Variants in NFATC3 observed in about 807,000 individuals in gnomAD.
The protein encoded by NFATC3 is nuclear factor of activated T-cells, cytoplasmic 3.
In NFATC3, 46 loss-of-function variants were observed where a neutral mutation model predicts 98.6. The observed-to-expected ratio is 0.47, with a 90% CI of 0.37 to 0.60. The LOEUF is 0.60. Ranked by LOEUF, NFATC3 falls within the 20% of genes least tolerant of loss-of-function variation. NFATC3 has a pLI of 0.00. For missense variants in NFATC3, 1,256 were observed against 1,295.5 expected (o/e 0.97, Z 0.47); for synonymous variants, 512 against 472.2 (o/e 1.08, Z -1.09).
At chr16:68,113,399 C>T (rs1385919364) in intron 1 of NFATC3, among the ~76,000 whole-genome samples, 1 of 152,204 alleles carries the variant, frequency 6.6e-6, no homozygotes, top group Non-Finnish European at 1.5e-5. Flanking sequence ...AATTCATCTA[C>T]CCCCTCCTGC....
At chr16:68,157,646 C>A (rs2038688810) in intron 3 of NFATC3, among the ~76,000 whole-genome samples, 1 of 152,056 alleles carries the variant, frequency 6.6e-6, no homozygotes, top group Admixed American at 6.6e-5. Flanking sequence ...AAAACAAAAC[C>A]AAACCCACAT....
chr16:68,210,127 C>G (rs1028098908), intron 9 of NFATC3, among the ~76,000 whole-genome samples: 2 of 151,996 alleles, frequency 1.3e-5, no homozygotes, highest in African/African-American at 4.8e-5. Context: ...GAAACTCCAT[C>G]TCTACTGAAA....
At chr16:68,162,999 A>G (rs2151586247) in intron 4 of NFATC3, among the ~76,000 whole-genome samples, 1 of 151,964 alleles carries the variant, frequency 6.6e-6, no homozygotes, top group East Asian at 1.9e-4. Context: ...CACATCTTGC[A>G]CCGCCCTTAA....
intron 9 of NFATC3, among the ~76,000 whole-genome samples, chr16:68,210,297 CAAA>C (rs147338164): frequency 9.3e-6 from 1 of 107,626 alleles, no homozygotes. Flanking sequence ...GATTCCTTCT[CAAA>C]AAAAAAAAAA....
At chr16:68,177,456 C>G (rs1412701011) in intron 6 of NFATC3, among the ~76,000 whole-genome samples, 1 of 152,132 alleles carries the variant, frequency 6.6e-6, no homozygotes, top group African/African-American at 2.4e-5. Flanking sequence ...AGTTATATCC[C>G]CCCACTCTTT....
At chr16:68,097,673 G>A (rs1445293368) in intron 1 of NFATC3, among the ~76,000 whole-genome samples, 1 of 152,214 alleles carries the variant, frequency 6.6e-6, no homozygotes, top group African/African-American at 2.4e-5. Context: ...AGAGAATGGT[G>A]TAGGGAAAGC....
In NFATC3 at chr16:68,134,045, A is replaced by G. The variant is rs1216134578; in HGVS notation, c.1401+7435A>G. On this transcript the variant is annotated intron_variant, in intron 3 of 9. Transcript: ENST00000346183. ...CCTCCACATTGTCACCAAGTGTTACACTTGTTAGTCTTTTAATTTTAACTA... is the reference window on the plus strand; with the variant it reads ...CCTCCACATTGTCACCAAGTGTTACGCTTGTTAGTCTTTTAATTTTAACTA... 3.9e-5 allele frequency among the ~76,000 whole-genome samples: 6 copies of G among 152,164 alleles called. No homozygotes were observed. The East Asian group carries it at 9.6e-4, about 24-fold the overall frequency.
At chr16:68,176,972 G>C (rs1309841134) in intron 6 of NFATC3, among the ~76,000 whole-genome samples, 1 of 149,550 alleles carries the variant, frequency 6.7e-6, no homozygotes, top group Non-Finnish European at 1.5e-5. Flanking sequence ...GGACTAGTCA[G>C]ATTTGTTTCT....
intron 9 of NFATC3, among the ~76,000 whole-genome samples, chr16:68,221,860 T>A (rs560543859): frequency 2.6e-5 from 4 of 152,324 alleles, no homozygotes; most frequent in East Asian, 1.9e-4. Context: ...TCCATTATAA[T>A]CAATACCACA....
At chr16:68,148,440 A>G (rs947338664) in intron 3 of NFATC3, among the ~76,000 whole-genome samples, 1 of 152,202 alleles carries the variant, frequency 6.6e-6, no homozygotes, top group African/African-American at 2.4e-5. Context: ...ACAAATGAGA[A>G]TACTGATAGA....
intron 3 of NFATC3, among the ~76,000 whole-genome samples, chr16:68,144,098 A>T (rs1036071398): frequency 6.6e-6 from 1 of 152,220 alleles, no homozygotes; most frequent in African/African-American, 2.4e-5. Context: ...TGCAAAGCAT[A>T]TATCTGTCAA....
At chr16:68,170,257 G>T (rs559752840) in intron 5 of NFATC3, among the ~76,000 whole-genome samples, 1 of 151,396 alleles carries the variant, frequency 6.6e-6, no homozygotes, top group African/African-American at 2.4e-5. Context: ...TGGGCGTGGT[G>T]GCGTGTGCCT....
intron 3 of NFATC3, among the ~76,000 whole-genome samples, chr16:68,132,786 G>GT (rs2037182605): frequency 6.6e-6 from 1 of 152,148 alleles, no homozygotes; most frequent in South Asian, 2.1e-4. Context: ...AATACTGCAT[G>GT]TTTTCACTTA....
At chr16:68,108,267 A>G (rs1353973975) in intron 1 of NFATC3, among the ~76,000 whole-genome samples, 1 of 152,172 alleles carries the variant, frequency 6.6e-6, no homozygotes, top group African/African-American at 2.4e-5. Flanking sequence ...GGTGTAAGGA[A>G]GGGATCCAGT....
At position 68,121,808 on chromosome 16, in the gene NFATC3, A is replaced by T. The variant is rs183718399; in HGVS notation, c.104-179A>T. ...CACACATATCTGCAGAAATAACCAG[A>T]TGCATTGAAAAAACACACACATGCC... On this transcript the variant is annotated intron_variant, in intron 1 of 9. Coordinates refer to ENST00000346183, the MANE Select transcript of NFATC3 (RefSeq NM_173165.3). 7.2e-5 allele frequency among the ~76,000 whole-genome samples: 11 copies of T among 152,282 alleles called. No homozygotes were observed. In the East Asian group the frequency reaches 2.1e-3, roughly 29 times the overall value.
chr16:68,217,777 A>G (rs1287907159), intron 9 of NFATC3: 2 of 1,230,618 alleles, frequency 1.6e-6, no homozygotes, highest in East Asian at 6.3e-5. Flanking sequence ...GATGGGAAAA[A>G]GGGAGGAAGA....
At chr16:68,192,797 A>G (rs1279618218) in intron 9 of NFATC3, among the ~76,000 whole-genome samples, 2 of 152,172 alleles carry the variant, frequency 1.3e-5, no homozygotes, top group Admixed American at 1.3e-4. Flanking sequence ...GGAGAGGTTG[A>G]GGCTGCAGTG....
chr16:68,189,874 G>A (rs2040363790), intron 8 of NFATC3, among the ~76,000 whole-genome samples: 1 of 152,032 alleles, frequency 6.6e-6, no homozygotes, highest in African/African-American at 2.4e-5. Flanking sequence ...GACCAGCCTG[G>A]GCAACACAGT....
At chr16:68,103,844 A>G (rs7205949) in intron 1 of NFATC3, among the ~76,000 whole-genome samples, 6,140 of 152,296 alleles carry the variant, frequency 0.04, 376 homozygotes, top group African/African-American at 0.13. Context: ...TAAAAAATCA[A>G]TTGGCCATAG....
Sources: allele counts gnomAD v4.1 joint callset (sites outside exome capture counted in the v4.1 genomes callset), GRCh38; gene constraint gnomAD v4.1.1; transcripts MANE v1.5; gene names NCBI Gene and HGNC (gene_info 2026-07-23, HGNC 2026-07-21).